Variants in TCF7L2 observed in about 807,000 individuals in gnomAD.
The protein encoded by TCF7L2 is transcription factor 7 like 2.
Under a neutral mutation model 77.9 loss-of-function variants are expected in TCF7L2, and 23 were observed. The ratio of observed to expected loss-of-function variants is 0.30; its 90% CI spans 0.21 to 0.42. The LOEUF is 0.42. TCF7L2 is among the 10% of genes least tolerant of loss of function. TCF7L2 has a pLI of 1.00. For missense variants in TCF7L2, 654 were observed against 793.1 expected (o/e 0.82, Z 2.11); for synonymous variants, 413 against 340.2 (o/e 1.21, Z -2.36).
rs142186479 is a variant in TCF7L2, at chr10:112,992,581, C to CAAGT, written c.450+27958_450+27961dup. 5.1e-4 allele frequency among the ~76,000 whole-genome samples: 78 copies of CAAGT among 152,210 alleles called. 1 individual carries two copies. Among genetic ancestry groups the CAAGT allele is most frequent in the African/African-American group, 1.6e-3 (66 of 41,542 alleles). ...GGTGCTAAGATTGCGTTATCTTTAC[C>CAAGT]AAGTGCCCGGAGCTCCTGGGAGGGA... On this transcript the variant is annotated intron_variant, in intron 4 of 13. Transcript: ENST00000627217.
intron 4 of TCF7L2, among the ~76,000 whole-genome samples, chr10:112,989,384 C>G (rs2135419622): frequency 6.6e-6 from 1 of 151,614 alleles, no homozygotes; most frequent in Middle Eastern, 3.4e-3. Flanking sequence ...AGAAAAAAAG[C>G]CAAAACACTT....
At chr10:113,097,502 A>C (rs901001174) in intron 5 of TCF7L2, among the ~76,000 whole-genome samples, 1 of 151,356 alleles carries the variant, frequency 6.6e-6, no homozygotes, top group Non-Finnish European at 1.5e-5. Context: ...AAAATACAAA[A>C]ATTAGCCAGA....
chr10:113,100,736 A>T (rs138856117), intron 5 of TCF7L2, among the ~76,000 whole-genome samples: 14 of 152,244 alleles, frequency 9.2e-5, no homozygotes, highest in Admixed American at 8.5e-4. Context: ...TGTTGTGTGG[A>T]ATAGGGCACT....
intron 5 of TCF7L2, among the ~76,000 whole-genome samples, chr10:113,060,014 C>T (rs544619248): frequency 1.4e-4 from 22 of 152,132 alleles, no homozygotes; most frequent in Non-Finnish European, 2.6e-4. Context: ...TATCCGCCCC[C>T]GGTGGATATG....
At position 113,088,361 on chromosome 10, in the gene TCF7L2, C is replaced by T. The variant is rs1321901980; in HGVS notation, c.552+48235C>T. Among the ~76,000 whole-genome samples, 3 of 152,200 alleles carry T rather than the reference C, an allele frequency of 2.0e-5. No homozygotes were observed. In the East Asian group the frequency reaches 5.8e-4, roughly 29 times the overall value. ...TACTAGCAGTGTGACCTTGGGCATG[C>T]TCCTTACAGTCTCTGAGTCAGTTTC... On this transcript the variant is annotated intron_variant, in intron 5 of 13. Transcript: ENST00000627217.
At chr10:113,136,863 CTTAAAGACCTCG>C (rs1227768150) in intron 5 of TCF7L2, among the ~76,000 whole-genome samples, 4 of 152,160 alleles carry the variant, frequency 2.6e-5, no homozygotes, top group Admixed American at 1.3e-4. Flanking sequence ...GAACACAATT[CTTAAAGACCTCG>C]TTAGAGAAGT....
At chr10:113,084,752 G>A (rs1203068645) in intron 5 of TCF7L2, among the ~76,000 whole-genome samples, 1 of 151,952 alleles carries the variant, frequency 6.6e-6, no homozygotes, top group Non-Finnish European at 1.5e-5. Context: ...ACAAACATTA[G>A]CCGGGAGTGG....
At chr10:112,960,402 C>T (rs1053112403) in intron 3 of TCF7L2, among the ~76,000 whole-genome samples, 4 of 152,186 alleles carry the variant, frequency 2.6e-5, no homozygotes, top group Non-Finnish European at 5.9e-5. Flanking sequence ...CGTTCTTCCT[C>T]TGGACAAGTG....
intron 4 of TCF7L2, among the ~76,000 whole-genome samples, chr10:113,032,915 C>T (rs904476981): frequency 2.6e-5 from 4 of 152,126 alleles, no homozygotes; most frequent in Non-Finnish European, 4.4e-5. Context: ...AAAAGGTTAA[C>T]TGTAAGGATT....
At chr10:113,124,255 C>T (rs139426106) in intron 5 of TCF7L2, among the ~76,000 whole-genome samples, 1 of 152,088 alleles carries the variant, frequency 6.6e-6, no homozygotes, top group African/African-American at 2.4e-5. Flanking sequence ...TTCCCAGCAT[C>T]GAAGGTCAGA....
At chr10:112,984,898 T>C (rs1020570580) in intron 4 of TCF7L2, among the ~76,000 whole-genome samples, 1 of 152,172 alleles carries the variant, frequency 6.6e-6, no homozygotes, top group Non-Finnish European at 1.5e-5. Context: ...ATTTTTGTTG[T>C]GATAAGGAGG....
chr10:113,142,982 TC>T, intron 6 of TCF7L2, among the ~76,000 whole-genome samples: 1 of 152,274 alleles, frequency 6.6e-6, no homozygotes, highest in Admixed American at 6.5e-5. Context: ...ATTAAAAGCT[TC>T]CTGAATGAAT....
intron 6 of TCF7L2, among the ~76,000 whole-genome samples, chr10:113,143,188 G>T (rs904952581): frequency 1.3e-5 from 2 of 152,244 alleles, no homozygotes; most frequent in African/African-American, 4.8e-5. Flanking sequence ...TGCAGAATCC[G>T]CTCATGTGTG....
chr10:113,100,368 C>A (rs993622803), intron 5 of TCF7L2, among the ~76,000 whole-genome samples: 1 of 152,198 alleles, frequency 6.6e-6, no homozygotes, highest in African/African-American at 2.4e-5. Context: ...TCTCTCGAAT[C>A]TGCCTTTAGA....
intron 5 of TCF7L2, among the ~76,000 whole-genome samples, chr10:113,054,219 T>C (rs1200612782): frequency 6.6e-6 from 1 of 152,268 alleles, no homozygotes; most frequent in East Asian, 1.9e-4. Context: ...TCCTAAATTA[T>C]ACCTCCTTTT....
At chr10:113,013,884 T>G (rs2046882616) in intron 4 of TCF7L2, among the ~76,000 whole-genome samples, 1 of 152,252 alleles carries the variant, frequency 6.6e-6, no homozygotes, top group African/African-American at 2.4e-5. Context: ...GGCTATTGTT[T>G]TAAGCCACTG....
intron 5 of TCF7L2, among the ~76,000 whole-genome samples, chr10:113,121,774 C>A (rs76450119): frequency 3.0e-5 from 4 of 134,648 alleles, no homozygotes; most frequent in Admixed American, 7.1e-5. Flanking sequence ...CACATACACA[C>A]AACACACACA....
chr10:113,105,130 T>C (rs1435895299), intron 5 of TCF7L2, among the ~76,000 whole-genome samples: 1 of 152,164 alleles, frequency 6.6e-6, no homozygotes, highest in Non-Finnish European at 1.5e-5. Flanking sequence ...CAGAGTGACA[T>C]GACAGGGACT....
chr10:113,101,432 A>G (rs1291828500), intron 5 of TCF7L2, among the ~76,000 whole-genome samples: 1 of 152,130 alleles, frequency 6.6e-6, no homozygotes, highest in Non-Finnish European at 1.5e-5. Flanking sequence ...AGTCCCAGCT[A>G]CTTGGGAGGC....
Sources: gnomAD v4.1 joint callset for allele counts (sites outside exome capture counted in the v4.1 genomes callset) on GRCh38, gnomAD v4.1.1 for gene constraint, MANE v1.5 for transcripts, NCBI Gene and HGNC (gene_info 2026-07-23, HGNC 2026-07-21) for gene names.